RHEX: variants seen among roughly 807,000 people sequenced by gnomAD.
RHEX encodes regulator of hemoglobinization and erythroid cell expansion.
In RHEX, 18 loss-of-function variants were observed where a neutral mutation model predicts 20.1. That is an observed-to-expected ratio of 0.90 (90% CI 0.62 to 1.33). RHEX has a LOEUF of 1.33. Ranked by LOEUF, RHEX falls within the 40% of genes most tolerant of loss-of-function variation. RHEX has a pLI of 0.00. For missense variants in RHEX, 192 were observed against 214.3 expected, an observed-to-expected ratio of 0.90 and a Z score of 0.65; for synonymous variants, 87 against 77.1, an observed-to-expected ratio of 1.13 and a Z score of -0.67.
intron 1 of RHEX, among the ~76,000 whole-genome samples, chr1:206,059,043 C>T (rs1487102764): frequency 6.6e-6 from 1 of 152,144 alleles, no homozygotes; most frequent in Non-Finnish European, 1.5e-5. Flanking sequence ...TGCTATCTCC[C>T]TCCTGCCGTA....
chr1:206,076,434 G>C (rs571601186), intron 1 of RHEX, among the ~76,000 whole-genome samples: 1 of 152,336 alleles, frequency 6.6e-6, no homozygotes, highest in African/African-American at 2.4e-5. Context: ...CCAAAGTGCT[G>C]GGATTACAGG....
intron 1 of RHEX, among the ~76,000 whole-genome samples, chr1:206,096,237 C>G (rs540858562): frequency 6.6e-6 from 1 of 152,262 alleles, no homozygotes; most frequent in Non-Finnish European, 1.5e-5. Context: ...AGAAGAGGAG[C>G]CTTAAAAAAT....
At chr1:206,090,556 GT>G (rs1401875868) in intron 1 of RHEX, among the ~76,000 whole-genome samples, 1 of 151,734 alleles carries the variant, frequency 6.6e-6, no homozygotes, top group Non-Finnish European at 1.5e-5. Context: ...TTGTTCTTGT[GT>G]TTTCCCAGAT....
chr1:206,064,091 C>G (rs1662363202), intron 1 of RHEX, among the ~76,000 whole-genome samples: 1 of 150,020 alleles, frequency 6.7e-6, no homozygotes, highest in Non-Finnish European at 1.5e-5. Flanking sequence ...GCGACCCCGT[C>G]TGGGAGGTGA....
At chr1:206,076,290 G>A (rs1420276737) in intron 1 of RHEX, among the ~76,000 whole-genome samples, 4 of 152,068 alleles carry the variant, frequency 2.6e-5, no homozygotes, top group African/African-American at 9.7e-5. Context: ...GAGTAGTTAG[G>A]ACTACAGGCA....
intron 1 of RHEX, among the ~76,000 whole-genome samples, chr1:206,078,140 C>T (rs912898524): frequency 1.3e-5 from 2 of 152,208 alleles, no homozygotes; most frequent in Admixed American, 6.5e-5. Flanking sequence ...CAAGATATCT[C>T]ATTATGTATA....
chr1:206,058,672 T>C (rs1662246789), intron 1 of RHEX, among the ~76,000 whole-genome samples: 1 of 152,188 alleles, frequency 6.6e-6, no homozygotes. Flanking sequence ...CCTGCCCTGT[T>C]CTGTTTCTCT....
intron 1 of RHEX, among the ~76,000 whole-genome samples, chr1:206,083,809 A>AT: frequency 6.6e-6 from 1 of 152,284 alleles, no homozygotes; most frequent in African/African-American, 2.4e-5. Context: ...TGAGCCTAAG[A>AT]TTACACTTTA....
At position 206,089,463 on chromosome 1, in the gene RHEX, C is replaced by A. The variant is rs552595113; in HGVS notation, c.-96-8270C>A. Among the ~76,000 whole-genome samples, 414 of 152,270 alleles carry A rather than the reference C, an allele frequency of 2.7e-3. 4 individuals carry two copies. The highest frequency in any genetic ancestry group is 6.3e-3 in the Admixed American group (96 of 15,296). On this transcript the variant is annotated intron_variant, in intron 1 of 5. Coordinates refer to ENST00000331555, the MANE Select transcript of RHEX (RefSeq NM_001007544.4). ...AGTTCTTCCTAAATGTAATTTTAAA[C>A]GGCCATATGGTCTTCCATTCAAAGC...
intron 1 of RHEX, 63 bp from the exon 2 acceptor site, chr1:206,097,669 GT>G (rs1326983293): frequency 1.2e-5 from 12 of 1,028,194 alleles, no homozygotes; most frequent in Non-Finnish European, 1.8e-5. Flanking sequence ...AAGTAGCTGA[GT>G]TTGCCCAAGG....
chr1:206,069,700 A>G (rs1662492058), intron 1 of RHEX, among the ~76,000 whole-genome samples: 1 of 152,146 alleles, frequency 6.6e-6, no homozygotes, highest in African/African-American at 2.4e-5. Context: ...AACATGTGAA[A>G]ACATCTATAA....
intron 2 of RHEX, 21 bp downstream of exon 2, chr1:206,097,860 C>T: frequency 1.9e-6 from 3 of 1,548,496 alleles, no homozygotes; most frequent in Non-Finnish European, 2.7e-6. Context: ...CCAACAAGAG[C>T]AGGAGCAAGG....
chr1:206,073,758 A>G (rs1285743694), intron 1 of RHEX, among the ~76,000 whole-genome samples: 1 of 152,168 alleles, frequency 6.6e-6, no homozygotes, highest in Non-Finnish European at 1.5e-5. Context: ...AAAGTAGTTC[A>G]ATCACCAAAT....
chr1:206,079,590 G>A (rs28479887), intron 1 of RHEX, among the ~76,000 whole-genome samples: 94,960 of 151,966 alleles, frequency 0.62, 32,162 homozygotes, highest in African/African-American at 0.9. Flanking sequence ...GAGTCTCACT[G>A]TGTTGCCCAG....
chr1:206,085,380 C>T (rs1047693143), intron 1 of RHEX, among the ~76,000 whole-genome samples: 6 of 152,090 alleles, frequency 3.9e-5, no homozygotes, highest in Admixed American at 2.0e-4. Flanking sequence ...GCCTAGTTTC[C>T]CTAAAATTTA....
chr1:206,092,838 T>A (rs1442484295), intron 1 of RHEX, among the ~76,000 whole-genome samples: 3 of 152,250 alleles, frequency 2.0e-5, no homozygotes, highest in Non-Finnish European at 4.4e-5. Flanking sequence ...TCTAGCAATG[T>A]GGAGGAGGCT....
chr1:206,084,038 A>G (rs1486942869), intron 1 of RHEX, among the ~76,000 whole-genome samples: 1 of 152,204 alleles, frequency 6.6e-6, no homozygotes, highest in Non-Finnish European at 1.5e-5. Context: ...GACAATGTAC[A>G]TTTAGTGCCA....
intron 1 of RHEX, chr1:206,080,275 T>C (rs1662709379): frequency 6.6e-6 from 1 of 152,246 alleles, no homozygotes; most frequent in South Asian, 2.1e-4. Context: ...TGACACTTCA[T>C]ATGAAAGCTG....
chr1:206,059,144 C>T (rs369001562), intron 1 of RHEX, among the ~76,000 whole-genome samples: 1 of 152,264 alleles, frequency 6.6e-6, no homozygotes, highest in African/African-American at 2.4e-5. Context: ...ATCTGCCTCA[C>T]CCCACTCCCC....
Sources: gnomAD v4.1 joint callset for allele counts (sites outside exome capture counted in the v4.1 genomes callset) on GRCh38, gnomAD v4.1.1 for gene constraint, MANE v1.5 for transcripts, NCBI Gene and HGNC (gene_info 2026-07-23, HGNC 2026-07-21) for gene names.